The following OXCT1 variants were observed in gnomAD, a reference collection of about 807,000 sequenced individuals.
OXCT1 encodes 3-oxoacid CoA-transferase 1, also known as succinyl-CoA:3-ketoacid coenzyme A transferase 1, mitochondrial.
In OXCT1, 27 loss-of-function variants were observed where a neutral mutation model predicts 69.6. The observed-to-expected ratio is 0.39, with a 90% CI of 0.29 to 0.54. The LOEUF (loss-of-function observed/expected upper bound fraction) is 0.54, where lower values mean the gene tolerates loss of function less well. OXCT1 is among the 20% of genes least tolerant of loss of function. The pLI, the probability that OXCT1 is intolerant of heterozygous loss-of-function variation, is 0.72. For synonymous variants in OXCT1, 202 were observed against 217.8 expected (o/e 0.93, Z 0.64); for missense variants, 437 against 650.2 (o/e 0.67, Z 3.57).
intron 13 of OXCT1, among the ~76,000 whole-genome samples, chr5:41,774,803 G>C (rs1034683229): frequency 1.3e-5 from 2 of 152,118 alleles, no homozygotes. Context: ...GCTGAGGCAG[G>C]AGAATCGTTT....
chr5:41,784,323 T>C (rs1028570242), intron 13 of OXCT1, among the ~76,000 whole-genome samples: 3 of 152,102 alleles, frequency 2.0e-5, no homozygotes, highest in Admixed American at 1.3e-4. Context: ...AGTGGAGACT[T>C]TAGAATTTGG....
In OXCT1 at chr5:41,762,199, C is replaced by T; in HGVS notation, c.1250G>A (p.Gly417Glu). 6 of 1,610,512 alleles carry T rather than the reference C, an allele frequency of 3.7e-6. No homozygotes were observed. The highest frequency in any genetic ancestry group is 5.1e-6 in the Non-Finnish European group (6 of 1,176,928). ...ACCTCCCATTCCTTTCACCATCTTC[C>T]CCTGCAAAACAAAAAATAAATAGCT... ...YGDLANWMIP[G>E]KMVKGMGGAM... The change falls in exon 14 of 17, where the codon GGG becomes GAG. Residue 417 changes from glycine (G) to glutamate (E), a missense_variant and splice_region_variant. Physicochemically the swap from Gly to Glu is moderately conservative, Grantham distance 98. This residue lies in a region of OXCT1 where 102 missense variants were observed against 162.1 expected (regional missense o/e 0.63). Transcript: ENST00000196371. This position sits in a 1 kb window ranked among gnomAD's most constrained non-coding sequence, Gnocchi z 4.0.
chr5:41,795,329 C>T (rs1269655433), intron 11 of OXCT1, among the ~76,000 whole-genome samples: 2 of 152,170 alleles, frequency 1.3e-5, no homozygotes, highest in African/African-American at 4.8e-5. Flanking sequence ...GGTACTGGTC[C>T]ACAGCCCAGG....
chr5:41,796,505 T>C (rs1425953512), intron 11 of OXCT1, among the ~76,000 whole-genome samples: 1 of 152,220 alleles, frequency 6.6e-6, no homozygotes, highest in Non-Finnish European at 1.5e-5. Flanking sequence ...CACAGTTATA[T>C]CCTCAGATTC....
intron 4 of OXCT1, among the ~76,000 whole-genome samples, chr5:41,851,723 A>G (rs1749183241): frequency 6.6e-6 from 1 of 152,190 alleles, no homozygotes; most frequent in Non-Finnish European, 1.5e-5. Context: ...TGTAAAAAAA[A>G]AAATGATATA....
Position 41,754,112 on chromosome 5 carries a change from C to T in OXCT1, c.1339-4505G>A, listed in dbSNP as rs549882496. On this transcript the variant is annotated intron_variant, in intron 14 of 16. Coordinates refer to ENST00000196371, the MANE Select transcript of OXCT1 (RefSeq NM_000436.4). Reference sequence around the variant, plus strand: ...CTCTTCCACCTGCTCCCTTCTAAAGCTTAAAGGCACTTGCCATAATTTGCT... The same window carrying T: ...CTCTTCCACCTGCTCCCTTCTAAAGTTTAAAGGCACTTGCCATAATTTGCT... Among the ~76,000 whole-genome samples, 21 of 152,120 alleles carry T rather than the reference C, an allele frequency of 1.4e-4. No individual in the cohort carries two copies. The South Asian group carries it at 4.4e-3, about 32-fold the overall frequency.
At chr5:41,733,064 C>G (rs1742714290) in intron 16 of OXCT1, among the ~76,000 whole-genome samples, 1 of 152,090 alleles carries the variant, frequency 6.6e-6, no homozygotes, top group South Asian at 2.1e-4. Flanking sequence ...TGACTTATTT[C>G]TAAGAGTAGA....
At chr5:41,864,791 T>A (rs1434788620) in intron 1 of OXCT1, among the ~76,000 whole-genome samples, 6 of 152,202 alleles carry the variant, frequency 3.9e-5, no homozygotes, top group Non-Finnish European at 8.8e-5. Context: ...CATACTCCAC[T>A]TCTCATTTTT....
At chr5:41,857,872 G>T (rs1319993970) in intron 3 of OXCT1, among the ~76,000 whole-genome samples, 2 of 152,176 alleles carry the variant, frequency 1.3e-5, no homozygotes, top group Non-Finnish European at 2.9e-5. Flanking sequence ...AATAATTCAT[G>T]AAGGTAGATA....
chr5:41,767,478 C>T (rs1160923829), intron 13 of OXCT1, among the ~76,000 whole-genome samples: 2 of 151,690 alleles, frequency 1.3e-5, no homozygotes, highest in African/African-American at 4.8e-5. Context: ...AATAAGCTCT[C>T]TTGTTCCTGT....
intron 7 of OXCT1, among the ~76,000 whole-genome samples, chr5:41,839,615 T>C (rs1046558031): frequency 1.3e-5 from 2 of 152,210 alleles, no homozygotes; most frequent in African/African-American, 4.8e-5. Flanking sequence ...TAACATTTGA[T>C]TGTTTCAAAA....
intron 4 of OXCT1, among the ~76,000 whole-genome samples, chr5:41,852,172 A>G (rs1300176302): frequency 1.3e-5 from 2 of 152,228 alleles, no homozygotes; most frequent in Non-Finnish European, 2.9e-5. Flanking sequence ...TTGTTATAGC[A>G]GCCTGAGCAG....
intron 13 of OXCT1, among the ~76,000 whole-genome samples, chr5:41,786,033 C>T (rs1745624374): frequency 1.3e-5 from 2 of 152,094 alleles, no homozygotes; most frequent in Admixed American, 6.5e-5. Flanking sequence ...CAGATGGGGG[C>T]CATGTGAGAG....
At chr5:41,750,236 T>C (rs1053905058) in intron 14 of OXCT1, among the ~76,000 whole-genome samples, 6 of 151,524 alleles carry the variant, frequency 4.0e-5, no homozygotes, top group African/African-American at 1.5e-4. Context: ...ATGCTACTTC[T>C]TGATTAATCA....
chr5:41,857,755 C>A (rs1749499970), intron 3 of OXCT1, among the ~76,000 whole-genome samples: 1 of 152,164 alleles, frequency 6.6e-6, no homozygotes, highest in Non-Finnish European at 1.5e-5. Flanking sequence ...TTCCCTCATC[C>A]CTGACCATTC....
rs531353661 is a variant in OXCT1, at chr5:41,752,449, G to A, written c.1339-2842C>T. 5.3e-5 allele frequency among the ~76,000 whole-genome samples: 8 copies of A among 152,132 alleles called. No individual in the cohort carries two copies. In the South Asian group the frequency reaches 1.7e-3, roughly 32 times the overall value. On this transcript the variant is annotated intron_variant, in intron 14 of 16. Transcript: ENST00000196371. Reference sequence around the variant, plus strand: ...GAAAAGGCAGAGAAATAGATACAAAGCATAGCATTAAAAATGCTTTGTGCA... The same window carrying A: ...GAAAAGGCAGAGAAATAGATACAAAACATAGCATTAAAAATGCTTTGTGCA...
intron 4 of OXCT1, 68 bp downstream of exon 4, chr5:41,853,351 A>G: frequency 6.9e-7 from 1 of 1,459,712 alleles, no homozygotes; most frequent in Non-Finnish European, 9.6e-7. Flanking sequence ...GCACAAAGAA[A>G]TTTCCACGGA....
At chr5:41,758,658 G>A (rs1408285148) in intron 14 of OXCT1, among the ~76,000 whole-genome samples, 2 of 152,126 alleles carry the variant, frequency 1.3e-5, no homozygotes, top group African/African-American at 4.8e-5. Flanking sequence ...CATAAAGGAA[G>A]GAATGGGGAA....
At chr5:41,753,927 A>T (rs1044000888) in intron 14 of OXCT1, among the ~76,000 whole-genome samples, 7 of 152,074 alleles carry the variant, frequency 4.6e-5, no homozygotes, top group African/African-American at 1.7e-4. Context: ...AGCTCACTAG[A>T]AGCAGCACAG....
Sources: allele counts gnomAD v4.1 joint callset (sites outside exome capture counted in the v4.1 genomes callset), GRCh38; gene constraint gnomAD v4.1.1; regional missense constraint gnomAD v4.1.1; non-coding constraint Gnocchi (gnomAD v3.1); transcripts MANE v1.5; gene names NCBI Gene and HGNC (gene_info 2026-07-23, HGNC 2026-07-21).